NCAPD3: variants seen among roughly 807,000 people sequenced by gnomAD.
The protein encoded by NCAPD3 is non-SMC condensin II complex subunit D3, also known as condensin-2 complex subunit D3.
Under a neutral mutation model 182.9 loss-of-function variants are expected in NCAPD3, and 105 were observed. That is an observed-to-expected ratio of 0.57 (90% confidence interval 0.49 to 0.68). NCAPD3 has a LOEUF of 0.68. Ranked by LOEUF, NCAPD3 falls within the 30% of genes least tolerant of loss-of-function variation. The pLI, the probability that NCAPD3 is intolerant of heterozygous loss-of-function variation, is 0.00. For synonymous variants in NCAPD3, 815 were observed against 679.9 expected (o/e 1.20, Z -3.09); for missense variants, 1,944 against 1,837.0 (o/e 1.06, Z -1.07).
At chr11:134,161,276 T>A (rs111328562) in intron 28 of NCAPD3, among the ~76,000 whole-genome samples, 179 of 152,276 alleles carry the variant, frequency 1.2e-3, no homozygotes, top group African/African-American at 3.9e-3. Flanking sequence ...AGTCAACACA[T>A]CCTGGGTTTG....
At chr11:134,183,048 T>G (rs1367523769) in intron 19 of NCAPD3, 1 of 454,324 alleles carries the variant, frequency 2.2e-6, no homozygotes, top group East Asian at 7.0e-5. Flanking sequence ...TAGGCTCTCA[T>G]GACAATGTAA....
rs1398627504 is a variant in NCAPD3 at position 134,184,765 on chromosome 11, T to C, written c.2336-13A>G. 2 of 1,594,338 alleles carry C rather than the reference T, an allele frequency of 1.3e-6. No homozygotes were observed. Among genetic ancestry groups the C allele is most frequent in the Non-Finnish European group, 1.7e-6 (2 of 1,165,452 alleles). On this transcript the variant is annotated splice_polypyrimidine_tract_variant and intron_variant, in intron 18 of 34. Transcript: ENST00000534548. ...CACTTGACAGCATCTATGAAGGAAG[T>C]CAAAACCCCTGAAGTTCAACTGCTT...
At chr11:134,154,682 A>G (rs1943369618) in intron 32 of NCAPD3, among the ~76,000 whole-genome samples, 1 of 152,066 alleles carries the variant, frequency 6.6e-6, no homozygotes, top group South Asian at 2.1e-4. Context: ...CGGGAACAGC[A>G]CGGGCTGGGC....
chr11:134,202,297 C>T (rs532553019), intron 13 of NCAPD3, among the ~76,000 whole-genome samples: 2 of 152,288 alleles, frequency 1.3e-5, no homozygotes, highest in South Asian at 4.1e-4. Flanking sequence ...GAGGGTGTTA[C>T]AACCGGAAAA....
chr11:134,166,045 G>A (rs1454344434), intron 27 of NCAPD3, among the ~76,000 whole-genome samples: 3 of 110,146 alleles, frequency 2.7e-5, no homozygotes, highest in Admixed American at 2.6e-4. Context: ...ACACTCACTA[G>A]TGAGATGAGC....
chr11:134,156,981 C>A, intron 32 of NCAPD3, 37 bp downstream of exon 32: 1 of 1,543,502 alleles, frequency 6.5e-7, no homozygotes, highest in Non-Finnish European at 8.9e-7. Context: ...GCAGGAGAGA[C>A]TGAGGAGAAG....
In NCAPD3 at chr11:134,153,056, G is replaced by A. The variant is rs566115227; in HGVS notation, c.4389-4C>T. 1.9e-6 allele frequency: 3 copies of A among 1,606,270 alleles called. No homozygotes were observed. The highest frequency in any genetic ancestry group is 2.6e-6 in the Non-Finnish European group (3 of 1,174,270). ...CCACTGCTGAGGCTGTGGGGGCCTA[G>A]GGAAAGGACATGTGCAGTCATTCTG... On this transcript the variant is annotated splice_polypyrimidine_tract_variant and splice_region_variant and intron_variant, in intron 34 of 34. Coordinates refer to ENST00000534548, the MANE Select transcript of NCAPD3 (RefSeq NM_015261.3).
At position 134,223,611 on chromosome 11, in the gene NCAPD3, CAG is replaced by C. The variant is rs1938329716; in HGVS notation, c.64+250_64+251del. The C allele has an allele frequency of 7.6e-6, 5 of 661,904 alleles. No homozygotes were observed. The East Asian group carries it at 1.1e-4, about 14-fold the overall frequency. The allele number at this position is 661,904 out of a possible 1,614,324, so 41.0% of individuals were successfully genotyped here. On this transcript the variant is annotated intron_variant, in intron 1 of 34. Transcript: ENST00000534548. ...AGGAAGAAGGGGAAGGCCGAGAAAACAGATGCACAGGCGCTAGAAGAGACTGG... is the reference window on the plus strand; with the variant it reads ...AGGAAGAAGGGGAAGGCCGAGAAAACATGCACAGGCGCTAGAAGAGACTGG...
chr11:134,167,937 C>A (rs1190314051), intron 27 of NCAPD3, 59 bp downstream of exon 27: 5 of 1,523,148 alleles, frequency 3.3e-6, no homozygotes, highest in Non-Finnish European at 4.5e-6. Context: ...GTGAGATGAG[C>A]TTAGGGGAGC....
intron 8 of NCAPD3, among the ~76,000 whole-genome samples, chr11:134,205,930 G>A (rs1231054208): frequency 6.6e-6 from 1 of 152,068 alleles, no homozygotes; most frequent in Non-Finnish European, 1.5e-5. Context: ...GCACACCCAA[G>A]GCATGCACAC....
intron 16 of NCAPD3, among the ~76,000 whole-genome samples, chr11:134,189,754 C>G (rs1457665606): frequency 6.6e-6 from 1 of 152,174 alleles, no homozygotes; most frequent in Non-Finnish European, 1.5e-5. Flanking sequence ...CATAACTCTT[C>G]CAGGTATAAT....
intron 16 of NCAPD3, among the ~76,000 whole-genome samples, chr11:134,190,028 T>C (rs767468699): frequency 6.6e-6 from 1 of 152,222 alleles, no homozygotes; most frequent in Non-Finnish European, 1.5e-5. Flanking sequence ...TTTATAGAGA[T>C]TACTGACCTA....
chr11:134,168,668 C>CT, intron 25 of NCAPD3, 66 bp from the exon 26 acceptor site: 1 of 1,593,610 alleles, frequency 6.3e-7, no homozygotes, highest in Non-Finnish European at 8.6e-7. Flanking sequence ...TAACACTGCA[C>CT]TTTAACTGCA....
chr11:134,187,357 T>G (rs1944431345), intron 16 of NCAPD3, among the ~76,000 whole-genome samples: 1 of 152,206 alleles, frequency 6.6e-6, no homozygotes, highest in Non-Finnish European at 1.5e-5. Context: ...ATCTCCAACC[T>G]AACTCTGGGT....
At chr11:134,183,547 G>T (rs1159711271) in intron 19 of NCAPD3, among the ~76,000 whole-genome samples, 1 of 152,164 alleles carries the variant, frequency 6.6e-6, no homozygotes, top group Non-Finnish European at 1.5e-5. Context: ...TAGCCTGGGT[G>T]ACAGAGTGAG....
Position 134,161,775 on chromosome 11 carries a change from C to A in NCAPD3, c.3684+6G>T. 6.6e-7 allele frequency: 1 copy of A among 1,516,626 alleles called. No homozygotes were observed. Among genetic ancestry groups the A allele is most frequent in the Non-Finnish European group, 9.1e-7 (1 of 1,096,018 alleles). The allele number at this position is 1,516,626 out of a possible 1,614,324, so 93.9% of individuals were successfully genotyped here. On this transcript the variant is annotated splice_donor_region_variant and intron_variant, in intron 28 of 34. Coordinates refer to ENST00000534548, the MANE Select transcript of NCAPD3 (RefSeq NM_015261.3). ...ACAACCACAAAAGCACAGGCTCCACCCTTACCCTGAGATAGTGCATGAGTT... is the reference window on the plus strand; with the variant it reads ...ACAACCACAAAAGCACAGGCTCCACACTTACCCTGAGATAGTGCATGAGTT...
intron 1 of NCAPD3, chr11:134,223,439 A>G: frequency 1.4e-6 from 1 of 702,428 alleles, no homozygotes; most frequent in Non-Finnish European, 2.6e-6. Flanking sequence ...ATTTTCACTC[A>G]TGTGACGTTT....
Position 134,218,120 on chromosome 11 carries a change from GGGA to G in NCAPD3, c.220-1025_220-1023del, listed in dbSNP as rs201169631. On this transcript the variant is annotated intron_variant, in intron 2 of 34. Transcript: ENST00000534548. ...TCTCAAAAAAAAAAAAGGGGGGGGG[GGGA>G]AGAAATCATCTCCTAACTTTACAGT... 2.6e-3 allele frequency among the ~76,000 whole-genome samples: 282 copies of G among 109,054 alleles called. 26 individuals carry two copies. The South Asian group carries it at 0.052, about 20-fold the overall frequency. 71.5% of individuals were successfully genotyped at this position (109,054 alleles called of 152,430 possible).
chr11:134,151,482 C>T lies in NCAPD3; in HGVS notation c.*1462G>A, dbSNP rs917214182. On this transcript the variant is annotated 3_prime_UTR_variant, in exon 35 of 35. Coordinates refer to ENST00000534548, the MANE Select transcript of NCAPD3 (RefSeq NM_015261.3). The stretch of plus-strand genomic sequence containing the variant: ...GCCCCCTCTTCTTATACCCTAAAAC[C>T]TTCTACACTAGTGCCATGGGAACCA... The T allele has an allele frequency of 6.6e-6, 1 of 152,174 alleles. No individual in the cohort carries two copies. Among genetic ancestry groups the T allele is most frequent in the Non-Finnish European group, 1.5e-5 (1 of 68,048 alleles). 9.4% of individuals were successfully genotyped at this position (152,174 alleles called of 1,614,324 possible).
Sources: gnomAD v4.1 joint callset for allele counts (sites outside exome capture counted in the v4.1 genomes callset) on GRCh38, gnomAD v4.1.1 for gene constraint, MANE v1.5 for transcripts, NCBI Gene and HGNC (gene_info 2026-07-23, HGNC 2026-07-21) for gene names.